IL2RA: variants seen among roughly 807,000 people sequenced by gnomAD.
IL2RA encodes the protein interleukin-2 receptor subunit alpha.
In IL2RA, 24 loss-of-function variants were observed where a neutral mutation model predicts 37.8. The ratio of observed to expected loss-of-function variants is 0.63; its 90% CI spans 0.46 to 0.89. The LOEUF is 0.89. Ranked by LOEUF, IL2RA falls within the 40% of genes least tolerant of loss-of-function variation. IL2RA has a pLI of 0.00. For missense variants in IL2RA, 319 were observed against 348.6 expected (o/e 0.92, Z 0.68); for synonymous variants, 125 against 114.6 (o/e 1.09, Z -0.58).
intron 1 of IL2RA, among the ~76,000 whole-genome samples, chr10:6,060,043 C>A (rs992067421): frequency 2.0e-5 from 3 of 152,094 alleles, no homozygotes; most frequent in African/African-American, 7.2e-5. Context: ...TCCAAGACCA[C>A]TCAGACCCTT....
chr10:6,043,561 C>A (rs576199444), intron 1 of IL2RA, among the ~76,000 whole-genome samples: 2 of 152,234 alleles, frequency 1.3e-5, no homozygotes, highest in South Asian at 2.1e-4. Flanking sequence ...GCCTCAGCCC[C>A]CCAAGAAGCT....
In IL2RA at chr10:6,012,558, C is replaced by T. The variant is rs751588150; in HGVS notation, c.*314G>A. ...CATATAGGGTGGAGAGAGTTCCATA[C>T]CATTCATGCTTTAATGAACACATAT... On this transcript the variant is annotated 3_prime_UTR_variant, in exon 8 of 8. Transcript: ENST00000379959. This position sits in a 1 kb window ranked among gnomAD's most constrained non-coding sequence, Gnocchi z 4.8. The T allele has an allele frequency of 2.7e-5, 13 of 483,858 alleles. No individual in the cohort carries two copies. The highest frequency in any genetic ancestry group is 6.6e-5 in the Admixed American group (2 of 30,424). The allele number at this position is 483,858 out of a possible 1,614,324, so 30.0% of individuals were successfully genotyped here. A position where few individuals can be genotyped will look rare whatever the true frequency, so the allele number is the denominator to read the frequency against.
In IL2RA at chr10:6,021,329, TTC is replaced by T. The variant is rs1839383428; in HGVS notation, c.583+147_583+148del. ...CTGGTCTATTTAAATTTTTTTTTTT[TTC>T]TCAGAATGAGAAAAAATGGAAGCCC... is the stretch of plus-strand genomic sequence containing the variant. On this transcript the variant is annotated intron_variant, in intron 4 of 7. Coordinates refer to ENST00000379959, the MANE Select transcript of IL2RA (RefSeq NM_000417.3). This position sits in a 1 kb window ranked among gnomAD's most constrained non-coding sequence, Gnocchi z 4.9. The T allele has an allele frequency of 1.5e-6, 1 of 682,396 alleles. No homozygotes were observed. Among genetic ancestry groups the T allele is most frequent in the Non-Finnish European group, 2.5e-6 (1 of 397,674 alleles). 42.3% of individuals were successfully genotyped at this position (682,396 alleles called of 1,614,324 possible).
intron 5 of IL2RA, 109 bp from the exon 6 acceptor site, chr10:6,019,608 G>A (rs564953413): frequency 2.3e-6 from 2 of 870,756 alleles, no homozygotes; most frequent in East Asian, 4.9e-5. Flanking sequence ...GAGGCTGGTG[G>A]GAGACACGTG....
Position 6,012,954 on chromosome 10 carries a change from G to T in IL2RA, c.795-58C>A. 1.3e-6 allele frequency: 2 copies of T among 1,553,712 alleles called. No individual in the cohort carries two copies. The highest frequency in any genetic ancestry group is 1.8e-6 in the Non-Finnish European group (2 of 1,124,984). On this transcript the variant is annotated intron_variant, in intron 7 of 7. Coordinates refer to ENST00000379959, the MANE Select transcript of IL2RA (RefSeq NM_000417.3). This position sits in a 1 kb window ranked among gnomAD's most constrained non-coding sequence, Gnocchi z 4.8. ...TGTAACACGGCACCAAAAAAATGTG[G>T]TCCTCACTCTAAACCAGTGCACACG... is the stretch of plus-strand genomic sequence containing the variant.
Position 6,025,691 on chromosome 10 carries a change from T to G in IL2RA, c.256+143A>C. The stretch of plus-strand genomic sequence containing the variant: ...AAAAAAATTGTGTTTAGTGAATGAC[T>G]TTTCAGGAACCACTAAAATTAGTTA... On this transcript the variant is annotated intron_variant, in intron 2 of 7. Coordinates refer to ENST00000379959, the MANE Select transcript of IL2RA (RefSeq NM_000417.3). This position sits in a 1 kb window ranked among gnomAD's most constrained non-coding sequence, Gnocchi z 4.4. The G allele has an allele frequency of 1.2e-6, 1 of 817,562 alleles. No homozygotes were observed. Among genetic ancestry groups the G allele is most frequent in the Non-Finnish European group, 2.0e-6 (1 of 494,690 alleles). The allele number at this position is 817,562 out of a possible 1,614,324, so 50.6% of individuals were successfully genotyped here. A position where few individuals can be genotyped will look rare whatever the true frequency, so the allele number is the denominator to read the frequency against.
intron 1 of IL2RA, among the ~76,000 whole-genome samples, chr10:6,060,372 T>G (rs1840105074): frequency 6.6e-6 from 1 of 152,208 alleles, no homozygotes. Flanking sequence ...GCATACATGC[T>G]CAGGTGATGG....
rs901488671 is a variant in IL2RA, at chr10:6,021,188, G to A, written c.583+290C>T. ...AAGTAGTGGACTTAGGACCAACTACGAGGCAGCATCTAGGGTGCTTAGGAG... is the reference window on the plus strand; with the variant it reads ...AAGTAGTGGACTTAGGACCAACTACAAGGCAGCATCTAGGGTGCTTAGGAG... On this transcript the variant is annotated intron_variant, in intron 4 of 7. Transcript: ENST00000379959. The surrounding 1 kb of genome is among the most constrained non-coding windows in gnomAD (Gnocchi z 4.9). Among the ~76,000 whole-genome samples, 4 of 152,134 alleles carry A rather than the reference G, an allele frequency of 2.6e-5. No homozygotes were observed. The highest frequency in any genetic ancestry group is 2.1e-4 in the South Asian group (1 of 4,828).
intron 1 of IL2RA, among the ~76,000 whole-genome samples, chr10:6,038,443 A>G (rs923221932): frequency 2.0e-5 from 3 of 152,222 alleles, no homozygotes; most frequent in Non-Finnish European, 2.9e-5. Context: ...TTCTTTGCAT[A>G]TATTACCTTC....
chr10:6,021,808 A>C lies in IL2RA; in HGVS notation c.368-115T>G, dbSNP rs1383281717. On this transcript the variant is annotated intron_variant, in intron 3 of 7. Coordinates refer to ENST00000379959, the MANE Select transcript of IL2RA (RefSeq NM_000417.3). This position sits in a 1 kb window ranked among gnomAD's most constrained non-coding sequence, Gnocchi z 4.9. The stretch of plus-strand genomic sequence containing the variant: ...TTCTTACTCTCTTGACTGCTTGCTC[A>C]TCCTTTCATTCAACCAATATATGTT... 3.7e-6 allele frequency: 3 copies of C among 811,622 alleles called. No individual in the cohort carries two copies. The highest frequency in any genetic ancestry group is 6.3e-6 in the Non-Finnish European group (3 of 477,646). The allele number at this position is 811,622 out of a possible 1,614,324, so 50.3% of individuals were successfully genotyped here. A position where few individuals can be genotyped will look rare whatever the true frequency, so the allele number is the denominator to read the frequency against.
rs1239462424 is a variant in IL2RA, at chr10:6,041,259, C to T, written c.65-15234G>A. Among the ~76,000 whole-genome samples the T allele has an allele frequency of 8.6e-4, 130 of 151,868 alleles. 1 individual carries two copies. The highest frequency in any genetic ancestry group is 1.0e-4 in the Non-Finnish European group (7 of 67,994). On this transcript the variant is annotated intron_variant, in intron 1 of 7. Transcript: ENST00000379959. The stretch of plus-strand genomic sequence containing the variant: ...TCTCCCGAGTAGCTGGGACTGCAGG[C>T]GCCCACGATCACGCCCAGCTAATTT...
intron 1 of IL2RA, among the ~76,000 whole-genome samples, chr10:6,038,070 A>G (rs1839718729): frequency 6.6e-6 from 1 of 152,198 alleles, no homozygotes; most frequent in Non-Finnish European, 1.5e-5. Context: ...GAGCTCAAAG[A>G]TCATTTAGGC....
chr10:6,032,492 A>C (rs975194903), intron 1 of IL2RA, among the ~76,000 whole-genome samples: 1 of 152,058 alleles, frequency 6.6e-6, no homozygotes, highest in East Asian at 1.9e-4. Context: ...GGAGATGGAG[A>C]CCATCCTGGC....
At position 6,014,736 on chromosome 10, in the gene IL2RA, G is replaced by A. The variant is rs1280977038; in HGVS notation, c.795-1840C>T. ...CTTAGGAGTCAGCTAACCCCTTAGA[G>A]AAACTGGTAGACTGCCGGGTATATG... On this transcript the variant is annotated intron_variant, in intron 7 of 7. Coordinates refer to ENST00000379959, the MANE Select transcript of IL2RA (RefSeq NM_000417.3). This position sits in a 1 kb window ranked among gnomAD's most constrained non-coding sequence, Gnocchi z 4.4. Among the ~76,000 whole-genome samples the A allele has an allele frequency of 6.6e-6, 1 of 152,212 alleles. No individual in the cohort carries two copies. Among genetic ancestry groups the A allele is most frequent in the Non-Finnish European group, 1.5e-5 (1 of 68,040 alleles).
chr10:6,021,752 A>G lies in IL2RA; in HGVS notation c.368-59T>C. 1 of 1,428,258 alleles carries G rather than the reference A, an allele frequency of 7.0e-7. No individual in the cohort carries two copies. The highest frequency in any genetic ancestry group is 1.2e-5 in the South Asian group (1 of 86,510). 88.5% of individuals were successfully genotyped at this position (1,428,258 alleles called of 1,614,324 possible). ...TGGGGACAGCACCGCGAGTGAGTCC[A>G]GGTTGCCTCTTGCTAGGGACTGGAC... On this transcript the variant is annotated intron_variant, in intron 3 of 7. Coordinates refer to ENST00000379959, the MANE Select transcript of IL2RA (RefSeq NM_000417.3). This position sits in a 1 kb window ranked among gnomAD's most constrained non-coding sequence, Gnocchi z 4.9.
rs558509477 is a variant in IL2RA, at chr10:6,018,994, A to C, written c.727+434T>G. 6.6e-6 allele frequency among the ~76,000 whole-genome samples: 1 copy of C among 152,202 alleles called. No individual in the cohort carries two copies. The highest frequency in any genetic ancestry group is 2.1e-4 in the South Asian group (1 of 4,808). ...AACAAAACTACCAACCAACCTGCCA[A>C]TCTACCACCCTAACAACCAACCTAC... On this transcript the variant is annotated intron_variant, in intron 6 of 7. Coordinates refer to ENST00000379959, the MANE Select transcript of IL2RA (RefSeq NM_000417.3). The surrounding 1 kb of genome is among the most constrained non-coding windows in gnomAD (Gnocchi z 5.1).
intron 1 of IL2RA, 34 bp from the exon 2 acceptor site, chr10:6,026,059 G>A: frequency 6.3e-7 from 1 of 1,598,212 alleles, no homozygotes; most frequent in Non-Finnish European, 8.6e-7. Flanking sequence ...AGGAACTCAA[G>A]AGGCCCCAGG....
Position 6,012,769 on chromosome 10 carries a change from G to A in IL2RA, c.*103C>T, listed in dbSNP as rs886047080. 41 of 1,221,730 alleles carry A rather than the reference G, an allele frequency of 3.4e-5. 1 individual carries two copies. The highest frequency in any genetic ancestry group is 5.1e-5 in the Admixed American group (3 of 59,254). The allele number at this position is 1,221,730 out of a possible 1,614,324, so 75.7% of individuals were successfully genotyped here. ...CAAAACGCAGGCAAGCACAACGGAT[G>A]TCTCCTGGGCGACCATTTAGCACCT... On this transcript the variant is annotated 3_prime_UTR_variant, in exon 8 of 8. Transcript: ENST00000379959. The surrounding 1 kb of genome is among the most constrained non-coding windows in gnomAD (Gnocchi z 4.8).
Position 6,056,813 on chromosome 10 carries a change from C to T in IL2RA, c.64+5275G>A, listed in dbSNP as rs541473245. 6.6e-6 allele frequency among the ~76,000 whole-genome samples: 1 copy of T among 152,134 alleles called. No individual in the cohort carries two copies. The highest frequency in any genetic ancestry group is 6.5e-5 in the Admixed American group (1 of 15,274). ...AATGGCCTGGGATAGAGAAGAGAAA[C>T]AGGTTCCCACTCATGTAAAACTTCT... On this transcript the variant is annotated intron_variant, in intron 1 of 7. Transcript: ENST00000379959. The surrounding 1 kb of genome is among the most constrained non-coding windows in gnomAD (Gnocchi z 5.0).
Sources: gnomAD v4.1 joint callset for allele counts (sites outside exome capture counted in the v4.1 genomes callset) on GRCh38, gnomAD v4.1.1 for gene constraint, Gnocchi (gnomAD v3.1) non-coding constraint, MANE v1.5 for transcripts, NCBI Gene and HGNC (gene_info 2026-07-23, HGNC 2026-07-21) for gene names.